Variants in CERS6 observed in about 807,000 individuals in gnomAD.
CERS6 encodes LAG1 homolog, ceramide synthase 6.
In CERS6, 26 loss-of-function variants were observed where a neutral mutation model predicts 56.8. That is an observed-to-expected ratio of 0.46 (90% confidence interval 0.34 to 0.63). The LOEUF (loss-of-function observed/expected upper bound fraction) is 0.63, where lower values mean the gene tolerates loss of function less well. CERS6 is among the 30% of genes least tolerant of loss of function. The pLI, the probability that CERS6 is intolerant of heterozygous loss-of-function variation, is 0.01. For synonymous variants in CERS6, 164 were observed against 173.3 expected (o/e 0.95, Z 0.42); for missense variants, 415 against 467.5 (o/e 0.89, Z 1.04).
At chr2:168,561,080 G>A (rs1695777357) in intron 2 of CERS6, 112 bp from the exon 3 acceptor site, 1 of 1,099,898 alleles carries the variant, frequency 9.1e-7, no homozygotes, top group Non-Finnish European at 1.3e-6. Flanking sequence ...CTCAGTAGCA[G>A]ATAGTAAACA....
intron 4 of CERS6, among the ~76,000 whole-genome samples, chr2:168,671,174 C>A (rs774555398): frequency 4.6e-5 from 7 of 151,902 alleles, no homozygotes; most frequent in African/African-American, 7.3e-5. Flanking sequence ...ACCATGTTGG[C>A]CAGGATGGTC....
At chr2:168,611,427 T>G (rs2105273851) in intron 3 of CERS6, among the ~76,000 whole-genome samples, 1 of 152,354 alleles carries the variant, frequency 6.6e-6, no homozygotes, top group Non-Finnish European at 1.5e-5. Context: ...GTTTAGAGAC[T>G]CAGTTTAAAG....
chr2:168,520,018 A>G (rs904224646), intron 1 of CERS6, among the ~76,000 whole-genome samples: 1 of 152,190 alleles, frequency 6.6e-6, no homozygotes, highest in Non-Finnish European at 1.5e-5. Flanking sequence ...CACTTTTCAC[A>G]TGGACTAAAC....
chr2:168,750,780 G>A (rs541673201), intron 8 of CERS6, among the ~76,000 whole-genome samples: 43 of 152,216 alleles, frequency 2.8e-4, no homozygotes, highest in Non-Finnish European at 5.1e-4. Context: ...AGAGGATCAC[G>A]GTTCATTAGA....
Position 168,578,504 on chromosome 2 carries a change from AGAT to A in CERS6, c.407+17186_407+17188del, listed in dbSNP as rs1382601421. On this transcript the variant is annotated intron_variant, in intron 3 of 9. Transcript: ENST00000305747. ...GCCACATGAATTTCTCTTGAGTTTTAGATGATTTGATGCATTAGATGTTTTTAT... is the reference window on the plus strand; with the variant it reads ...GCCACATGAATTTCTCTTGAGTTTTAGATTTGATGCATTAGATGTTTTTAT... 9.9e-5 allele frequency among the ~76,000 whole-genome samples: 15 copies of A among 152,202 alleles called. No homozygotes were observed. The East Asian group carries it at 2.9e-3, about 29-fold the overall frequency.
intron 3 of CERS6, among the ~76,000 whole-genome samples, chr2:168,564,910 T>C (rs1695857837): frequency 6.6e-6 from 1 of 152,242 alleles, no homozygotes; most frequent in African/African-American, 2.4e-5. Context: ...ATCTTGTTCT[T>C]TCATTTCTCA....
intron 4 of CERS6, among the ~76,000 whole-genome samples, chr2:168,675,584 T>TCAAAA (rs1280232993): frequency 1.3e-5 from 2 of 151,804 alleles, no homozygotes; most frequent in African/African-American, 4.8e-5. Context: ...AGACCCTGTC[T>TCAAAA]CAAAACAAAA....
At chr2:168,744,925 G>A (rs1340613920) in intron 8 of CERS6, among the ~76,000 whole-genome samples, 2 of 152,118 alleles carry the variant, frequency 1.3e-5, no homozygotes, top group African/African-American at 4.8e-5. Context: ...AAATTCCAAT[G>A]CCCAGGCTCC....
intron 4 of CERS6, among the ~76,000 whole-genome samples, chr2:168,646,283 A>T (rs1267679829): frequency 1.3e-5 from 2 of 152,034 alleles, no homozygotes; most frequent in Non-Finnish European, 2.9e-5. Context: ...GCATTTCTCT[A>T]ACCATCAGCA....
intron 1 of CERS6, among the ~76,000 whole-genome samples, chr2:168,524,877 T>C (rs902110442): frequency 1.3e-5 from 2 of 151,632 alleles, no homozygotes; most frequent in Non-Finnish European, 2.9e-5. Context: ...CTATATTACT[T>C]GTGTATTATA....
chr2:168,487,912 G>T (rs1694303291), intron 1 of CERS6, among the ~76,000 whole-genome samples: 1 of 152,034 alleles, frequency 6.6e-6, no homozygotes, highest in South Asian at 2.1e-4. Flanking sequence ...TAGAGACAGG[G>T]TGTTGCCATG....
At chr2:168,752,150 G>A (rs977285068) in intron 8 of CERS6, among the ~76,000 whole-genome samples, 6 of 152,010 alleles carry the variant, frequency 3.9e-5, no homozygotes, top group African/African-American at 1.4e-4. Context: ...TTAAGCATGT[G>A]GATTATGCCA....
rs1345746809 is a variant in CERS6, at chr2:168,765,788, T to A, written c.1002+40T>A. The A allele has an allele frequency of 5.7e-6, 9 of 1,568,992 alleles. No homozygotes were observed. In the East Asian group the frequency reaches 1.4e-4, roughly 24 times the overall value. On this transcript the variant is annotated intron_variant, in intron 9 of 9. Coordinates refer to ENST00000305747, the MANE Select transcript of CERS6 (RefSeq NM_203463.3). ...ACTTTTTCCAATATGTCTTAAAAAA[T>A]TTTGTTTTTGTAATTTCTCTGGATC... is the stretch of plus-strand genomic sequence containing the variant.
chr2:168,558,047 C>T (rs1695715627), intron 2 of CERS6, among the ~76,000 whole-genome samples: 1 of 152,040 alleles, frequency 6.6e-6, no homozygotes. Context: ...AAATGCTTCT[C>T]TCATAAAAAG....
rs1321441572 is a variant in CERS6 at position 168,774,064 on chromosome 2, G to A, written c.*4402G>A. ...AAAGGAGAAGCTTGGTCTTTTCCAG[G>A]TATTTCCAACTTGAGTTCAACCCAA... On this transcript the variant is annotated 3_prime_UTR_variant, in exon 10 of 10. Transcript: ENST00000305747. The A allele has an allele frequency of 6.6e-6, 1 of 152,188 alleles. No individual in the cohort carries two copies. The highest frequency in any genetic ancestry group is 1.5e-5 in the Non-Finnish European group (1 of 68,060). The allele number at this position is 152,188 out of a possible 1,614,324, so 9.4% of individuals were successfully genotyped here. A position where few individuals can be genotyped will look rare whatever the true frequency, so the allele number is the denominator to read the frequency against.
chr2:168,506,481 A>AT (rs1481873139), intron 1 of CERS6, among the ~76,000 whole-genome samples: 1 of 152,210 alleles, frequency 6.6e-6, no homozygotes, highest in Non-Finnish European at 1.5e-5. Context: ...TTTCCCGCCA[A>AT]CATTAAAATG....
At chr2:168,750,010 G>A (rs1684216804) in intron 8 of CERS6, among the ~76,000 whole-genome samples, 1 of 152,172 alleles carries the variant, frequency 6.6e-6, no homozygotes, top group Non-Finnish European at 1.5e-5. Flanking sequence ...TAGTAACTTG[G>A]GTCTTCAGGT....
In CERS6 at chr2:168,595,984, C is replaced by CA. The variant is rs555265181; in HGVS notation, c.407+34663dup. The stretch of plus-strand genomic sequence containing the variant: ...TATTATTAGGCCAGGCGTGGTGGCT[C>CA]ACGCCTGTAATTCCAGCACTTTGGG... On this transcript the variant is annotated intron_variant, in intron 3 of 9. Transcript: ENST00000305747. 5.0e-4 allele frequency among the ~76,000 whole-genome samples: 75 copies of CA among 150,814 alleles called. No individual in the cohort carries two copies. The East Asian group carries it at 0.013, about 27-fold the overall frequency.
intron 1 of CERS6, among the ~76,000 whole-genome samples, chr2:168,510,540 G>A (rs1694760803): frequency 6.6e-6 from 1 of 152,214 alleles, no homozygotes; most frequent in African/African-American, 2.4e-5. Context: ...TACACTCTGT[G>A]TTGTTTGCAC....
Sources: gnomAD v4.1 joint callset for allele counts (sites outside exome capture counted in the v4.1 genomes callset) on GRCh38, gnomAD v4.1.1 for gene constraint, MANE v1.5 for transcripts, NCBI Gene and HGNC (gene_info 2026-07-23, HGNC 2026-07-21) for gene names.